CAST: variants seen among roughly 807,000 people sequenced by gnomAD.
The protein encoded by CAST is calpastatin, also known as MIR583 host.
A neutral mutation model predicts 119.6 loss-of-function variants in CAST; 76 were observed. The observed-to-expected ratio is 0.64, with a 90% CI of 0.53 to 0.77. CAST has a LOEUF of 0.77. Ranked by LOEUF, CAST falls within the 30% of genes least tolerant of loss-of-function variation. The pLI is 0.00. For missense variants in CAST, 953 were observed against 946.5 expected, an observed-to-expected ratio of 1.01 and a Z score of -0.09; for synonymous variants, 319 against 331.6, an observed-to-expected ratio of 0.96 and a Z score of 0.41.
chr5:96,068,820 TAC>T, the CAST span, among the ~76,000 whole-genome samples: 229 of 151,288 alleles, frequency 1.5e-3, no homozygotes, highest in African/African-American at 5.0e-3. Flanking sequence ...ATTTTATATA[TAC>T]ACACACACAT....
intron 1 of CAST, among the ~76,000 whole-genome samples, chr5:96,538,739 C>A (rs917379756): frequency 1.4e-5 from 1 of 71,906 alleles, no homozygotes; most frequent in Non-Finnish European, 3.0e-5. Context: ...AAGACCCCCC[C>A]ACACACACAC....
the CAST span, among the ~76,000 whole-genome samples, chr5:96,394,603 T>A: frequency 1.3e-5 from 2 of 152,238 alleles, no homozygotes; most frequent in African/African-American, 4.8e-5. Context: ...CCATTTGTTA[T>A]CTGTCATAAG....
At position 96,558,702 on chromosome 5, in the gene CAST, T is replaced by C. The variant is rs567556491; in HGVS notation, c.60+28822T>C. 5.3e-5 allele frequency among the ~76,000 whole-genome samples: 8 copies of C among 152,282 alleles called. No homozygotes were observed. The South Asian group carries it at 1.7e-3, about 32-fold the overall frequency. On this transcript the variant is annotated intron_variant, in intron 1 of 11. Transcript: ENST00000505143. ...ATACATCAATGATTGGCTCTGAAATTGAGGCAATAATTAATAGCTTACCAA... is the reference window on the plus strand; with the variant it reads ...ATACATCAATGATTGGCTCTGAAATCGAGGCAATAATTAATAGCTTACCAA...
intron 30 of CAST, 59 bp downstream of exon 30, chr5:96,770,661 A>C: frequency 8.8e-7 from 1 of 1,136,490 alleles, no homozygotes; most frequent in Non-Finnish European, 1.3e-6. Flanking sequence ...AGTAGGGTTT[A>C]TCATTTCAGT....
At chr5:95,983,290 G>T in the CAST span, among the ~76,000 whole-genome samples, 2 of 152,202 alleles carry the variant, frequency 1.3e-5, no homozygotes, top group Non-Finnish European at 2.9e-5. Flanking sequence ...TTTTTAACCT[G>T]AGTGGTTGTT....
intron 3 of CAST, among the ~76,000 whole-genome samples, chr5:96,714,123 CT>C (rs1756760579): frequency 6.6e-6 from 1 of 152,204 alleles, no homozygotes; most frequent in African/African-American, 2.4e-5. Flanking sequence ...AAATCATGCA[CT>C]TTATATACAT....
the CAST span, among the ~76,000 whole-genome samples, chr5:96,237,243 T>C: frequency 2.0e-5 from 3 of 152,098 alleles, no homozygotes; most frequent in Non-Finnish European, 4.4e-5. Flanking sequence ...GAGAGAGAAG[T>C]ATGGCCTGAG....
chr5:96,662,051 C>G (rs915960465), upstream of CAST: 2 of 202,322 alleles, frequency 9.9e-6, no homozygotes, highest in Admixed American at 6.1e-5. Flanking sequence ...CCCGCTCTCT[C>G]GTTGCACAAC....
chr5:96,584,166 T>C (rs547898779), intron 1 of CAST, among the ~76,000 whole-genome samples: 1 of 152,324 alleles, frequency 6.6e-6, no homozygotes, highest in South Asian at 2.1e-4. Context: ...CTGTTCCACC[T>C]TGGATGATCA....
chr5:96,320,716 T>G, the CAST span, among the ~76,000 whole-genome samples: 1 of 54 alleles, frequency 0.019, no homozygotes, highest in African/African-American at 0.12. Context: ...ATGTTTTTCC[T>G]AGTTGTACAA....
At chr5:96,376,666 CTT>C in the CAST span, among the ~76,000 whole-genome samples, 2 of 152,168 alleles carry the variant, frequency 1.3e-5, no homozygotes, top group East Asian at 3.8e-4. Context: ...GTCTTGAACT[CTT>C]GACCTCAAGT....
chr5:95,992,703 A>G, the CAST span, among the ~76,000 whole-genome samples: 1 of 152,214 alleles, frequency 6.6e-6, no homozygotes, highest in Non-Finnish European at 1.5e-5. Flanking sequence ...TGATAATGCC[A>G]ATGTTGGTTT....
the CAST span, among the ~76,000 whole-genome samples, chr5:96,119,225 G>C: frequency 6.6e-6 from 1 of 152,140 alleles, no homozygotes. Context: ...TTGGAATGGA[G>C]ACCAGAGAGG....
At chr5:96,726,641 T>C in intron 4 of CAST, 153 bp from the exon 5 acceptor site, 1 of 517,944 alleles carries the variant, frequency 1.9e-6, no homozygotes, top group East Asian at 3.1e-5. Flanking sequence ...AGAATGTAAG[T>C]GCCTACAGCT....
chr5:96,006,271 G>A, the CAST span, among the ~76,000 whole-genome samples: 1 of 151,990 alleles, frequency 6.6e-6, no homozygotes, highest in South Asian at 2.1e-4. Flanking sequence ...CTCAGCAGGG[G>A]TGTCCAATCT....
the CAST span, among the ~76,000 whole-genome samples, chr5:95,973,883 C>T: frequency 6.6e-6 from 1 of 152,106 alleles, no homozygotes; most frequent in Non-Finnish European, 1.5e-5. Flanking sequence ...TATATAGTGA[C>T]TCAGAAGGGT....
the CAST span, among the ~76,000 whole-genome samples, chr5:96,500,085 C>T: frequency 0.11 from 17,049 of 151,670 alleles, 1,532 homozygotes; most frequent in East Asian, 0.28. Flanking sequence ...AGTCTGTGGC[C>T]CCCCAAAAAA....
the CAST span, among the ~76,000 whole-genome samples, chr5:96,368,600 C>T: frequency 6.2e-4 from 94 of 151,956 alleles, no homozygotes; most frequent in Middle Eastern, 3.5e-3. Flanking sequence ...CCTTCTGATT[C>T]GCTCCAGTAG....
the CAST span, chr5:96,423,447 T>G: frequency 8.1e-6 from 13 of 1,613,978 alleles, no homozygotes; most frequent in African/African-American, 1.3e-5. Flanking sequence ...GCTGCCGTCA[T>G]CCTGGTATCT....
Sources: allele counts gnomAD v4.1 joint callset (sites outside exome capture counted in the v4.1 genomes callset), GRCh38; gene constraint gnomAD v4.1.1; transcripts MANE v1.5; gene names NCBI Gene and HGNC (gene_info 2026-07-23, HGNC 2026-07-21).